The following SPATA13 variants were observed in gnomAD, a reference collection of about 807,000 sequenced individuals.
SPATA13 encodes the protein spermatogenesis associated 13.
SPATA13 carries 50 observed loss-of-function variants against 104.0 expected under a neutral mutation model. The ratio of observed to expected loss-of-function variants is 0.48; its 90% CI spans 0.38 to 0.61. The LOEUF is 0.61. SPATA13 is among the 20% of genes least tolerant of loss of function. The probability of loss-of-function intolerance (pLI) is 0.00; values close to 1 mark genes in which losing one functional copy is unlikely to be tolerated. For missense variants in SPATA13, 1,524 were observed against 1,690.6 expected (o/e 0.90, Z 1.73); for synonymous variants, 606 against 667.5 (o/e 0.91, Z 1.42).
intron 11 of SPATA13, among the ~76,000 whole-genome samples, chr13:24,298,988 A>T (rs909011994): frequency 6.6e-6 from 1 of 152,148 alleles, no homozygotes; most frequent in African/African-American, 2.4e-5. Flanking sequence ...CACTAAGAGG[A>T]AATCTGATTC....
chr13:24,115,100 G>A (rs1382686398), intron 3 of SPATA13, among the ~76,000 whole-genome samples: 4 of 152,154 alleles, frequency 2.6e-5, no homozygotes, highest in Non-Finnish European at 4.4e-5. Context: ...GGAAGTGACC[G>A]TGGAGGCCAT....
At chr13:23,995,567 TC>T (rs1188969144) in intron 2 of SPATA13, among the ~76,000 whole-genome samples, 1 of 152,202 alleles carries the variant, frequency 6.6e-6, no homozygotes, top group Non-Finnish European at 1.5e-5. Flanking sequence ...ACTGAGGTTT[TC>T]CCTTTGAGAT....
intron 3 of SPATA13, among the ~76,000 whole-genome samples, chr13:24,054,503 T>C (rs1878469431): frequency 6.6e-6 from 1 of 152,242 alleles, no homozygotes; most frequent in African/African-American, 2.4e-5. Context: ...AGGACCATAT[T>C]GTAAGCTTAG....
At chr13:24,112,067 T>A (rs570640366) in intron 3 of SPATA13, among the ~76,000 whole-genome samples, 1 of 152,358 alleles carries the variant, frequency 6.6e-6, no homozygotes, top group African/African-American at 2.4e-5. Context: ...AGCATTTTTA[T>A]ACAGTTGATG....
intron 2 of SPATA13, among the ~76,000 whole-genome samples, chr13:24,231,721 C>T (rs1006704490): frequency 6.6e-6 from 1 of 152,214 alleles, no homozygotes. Flanking sequence ...TTCTCACCAG[C>T]ATTGTATAAG....
At position 24,277,260 on chromosome 13, in the gene SPATA13, T is replaced by C. The variant is rs545853952; in HGVS notation, c.2165-6875T>C. Among the ~76,000 whole-genome samples the C allele has an allele frequency of 5.6e-3, 857 of 151,944 alleles. 4 individuals are homozygous for C. Among genetic ancestry groups the C allele is most frequent in the Middle Eastern group, 6.8e-3 (2 of 294 alleles). ...GAGATCGAGACCATCCTGGCTAACA[T>C]GGTGAAACCACGTCTCTACTAAAAA... On this transcript the variant is annotated intron_variant, in intron 4 of 12. Coordinates refer to ENST00000382108, the MANE Select transcript of SPATA13 (RefSeq NM_001166271.3).
intron 1 of SPATA13, among the ~76,000 whole-genome samples, chr13:24,177,969 G>T (rs555065491): frequency 5.1e-4 from 77 of 152,204 alleles, no homozygotes; most frequent in Non-Finnish European, 9.4e-4. Context: ...AGATCCTCCT[G>T]CCTCAGCCTC....
chr13:24,047,479 C>T (rs939836017), intron 3 of SPATA13, among the ~76,000 whole-genome samples: 3 of 152,180 alleles, frequency 2.0e-5, no homozygotes, highest in African/African-American at 7.2e-5. Flanking sequence ...GGACTGTTAC[C>T]GTCTTTGTTT....
intron 1 of SPATA13, among the ~76,000 whole-genome samples, chr13:24,174,009 T>C (rs1883108694): frequency 6.6e-6 from 1 of 152,210 alleles, no homozygotes; most frequent in Non-Finnish European, 1.5e-5. Context: ...CCTCTTTCAT[T>C]TCCCGGAAGA....
intron 1 of SPATA13, among the ~76,000 whole-genome samples, chr13:24,213,547 G>A (rs1566153592): frequency 6.6e-6 from 1 of 152,134 alleles, no homozygotes; most frequent in Non-Finnish European, 1.5e-5. Context: ...TTAGAGATGT[G>A]AGCCACCATG....
chr13:24,131,002 C>T (rs1881375938), intron 3 of SPATA13, among the ~76,000 whole-genome samples: 1 of 152,226 alleles, frequency 6.6e-6, no homozygotes, highest in South Asian at 2.1e-4. Context: ...GATTCACTTA[C>T]TTGCCTTCGT....
At position 24,286,811 on chromosome 13, in the gene SPATA13, C is replaced by G. The variant is rs772262158; in HGVS notation, c.2528C>G (p.Pro843Arg). 6.2e-7 allele frequency: 1 copy of G among 1,613,666 alleles called. No individual in the cohort carries two copies. The highest frequency in any genetic ancestry group is 1.1e-5 in the South Asian group (1 of 91,070). Reference sequence around the variant, plus strand: ...CTGTCGGAAAACTCCAGCAGCACCCCCAGTGAGGAGCAGGACGAGGAGGCC... The same window carrying G: ...CTGTCGGAAAACTCCAGCAGCACCCGCAGTGAGGAGCAGGACGAGGAGGCC... ...EELSENSSST[P>R]SEEQDEEASQ... The change falls in exon 7 of 13, where the codon CCC becomes CGC. Residue 843 changes from proline (P) to arginine (R), a missense_variant. Pro to Arg is a moderately radical substitution (Grantham distance 103). Around this residue, in one of 2 missense-constraint regions of SPATA13, gnomAD observed 1,089 missense variants for 1,135.9 expected, o/e 0.96. Coordinates refer to ENST00000382108, the MANE Select transcript of SPATA13 (RefSeq NM_001166271.3). This position sits in a 1 kb window ranked among gnomAD's most constrained non-coding sequence, Gnocchi z 4.9.
At chr13:24,231,308 A>G (rs1446763213) in intron 2 of SPATA13, among the ~76,000 whole-genome samples, 1 of 152,094 alleles carries the variant, frequency 6.6e-6, no homozygotes. Context: ...TTTTGTGTCT[A>G]TTATTTTACT....
intron 3 of SPATA13, among the ~76,000 whole-genome samples, chr13:24,071,081 G>T (rs534571603): frequency 1.3e-5 from 2 of 152,306 alleles, no homozygotes; most frequent in South Asian, 4.1e-4. Flanking sequence ...ATGCACTCAT[G>T]GTTCAGGGAG....
In SPATA13 at chr13:24,161,566, A is replaced by T. The variant is rs1882495835; in HGVS notation, c.-112+634A>T. ...CAGGAGGTGGGGGAATTGGTACTCC[A>T]GCCCCAGGCAGGTAGAAGCCCGCGC... On this transcript the variant is annotated intron_variant, in intron 1 of 12. Transcript: ENST00000382108. This position sits in a 1 kb window ranked among gnomAD's most constrained non-coding sequence, Gnocchi z 4.5. Among the ~76,000 whole-genome samples the T allele has an allele frequency of 6.6e-6, 1 of 152,124 alleles. No homozygotes were observed. The highest frequency in any genetic ancestry group is 6.5e-5 in the Admixed American group (1 of 15,280).
chr13:24,226,403 G>A (rs1373846118), intron 2 of SPATA13, among the ~76,000 whole-genome samples: 1 of 152,164 alleles, frequency 6.6e-6, no homozygotes, highest in Admixed American at 6.5e-5. Context: ...TTTATGATGG[G>A]TTATTGTACT....
intron 1 of SPATA13, among the ~76,000 whole-genome samples, chr13:24,168,381 G>A (rs1882830782): frequency 6.6e-6 from 1 of 152,148 alleles, no homozygotes; most frequent in Non-Finnish European, 1.5e-5. Flanking sequence ...CTCTTTCTGT[G>A]AAAAAGATAG....
chr13:24,256,779 G>A (rs1215053176), intron 4 of SPATA13, among the ~76,000 whole-genome samples: 1 of 152,226 alleles, frequency 6.6e-6, no homozygotes. Flanking sequence ...GCTACTGGGT[G>A]TGTTATTTGG....
At chr13:24,049,304 G>C in intron 3 of SPATA13, among the ~76,000 whole-genome samples, 1 of 152,140 alleles carries the variant, frequency 6.6e-6, no homozygotes, top group East Asian at 1.9e-4. Flanking sequence ...TCTACATTTG[G>C]GTGTGTTTAG....
Sources: allele counts gnomAD v4.1 joint callset (sites outside exome capture counted in the v4.1 genomes callset), GRCh38; gene constraint gnomAD v4.1.1; regional missense constraint gnomAD v4.1.1; non-coding constraint Gnocchi (gnomAD v3.1); transcripts MANE v1.5; gene names NCBI Gene and HGNC (gene_info 2026-07-23, HGNC 2026-07-21).